The following DEUP1 variants were observed in gnomAD, a reference collection of about 807,000 sequenced individuals.
The protein encoded by DEUP1 is coiled-coil domain containing 67.
In DEUP1, 82 loss-of-function variants were observed where a neutral mutation model predicts 87.4. The ratio of observed to expected loss-of-function variants is 0.94; its 90% CI spans 0.78 to 1.13. DEUP1 has a LOEUF of 1.13. Ranked by LOEUF, DEUP1 falls within the 50% of genes most tolerant of loss-of-function variation. DEUP1 has a pLI of 0.00. For synonymous variants in DEUP1, 214 were observed against 222.7 expected (o/e 0.96, Z 0.35); for missense variants, 663 against 681.5 (o/e 0.97, Z 0.30).
intron 13 of DEUP1, among the ~76,000 whole-genome samples, chr11:93,415,683 C>T (rs763034551): frequency 8.6e-5 from 13 of 151,702 alleles, no homozygotes; most frequent in Non-Finnish European, 1.9e-4. Context: ...TTAGCATTAT[C>T]GATTTGTTTT....
chr11:93,370,942 G>A (rs1945688932), intron 6 of DEUP1, 96 bp from the exon 7 acceptor site: 2 of 1,082,040 alleles, frequency 1.8e-6, no homozygotes, highest in Non-Finnish European at 2.6e-6. Flanking sequence ...CATATTTAAA[G>A]ATATTCCTAC....
At chr11:93,408,649 T>C (rs1014878102) in intron 12 of DEUP1, among the ~76,000 whole-genome samples, 3 of 152,150 alleles carry the variant, frequency 2.0e-5, no homozygotes, top group African/African-American at 7.2e-5. Flanking sequence ...TTTAGTTTGT[T>C]AGTCATCTCA....
intron 11 of DEUP1, among the ~76,000 whole-genome samples, chr11:93,405,346 T>A (rs896148096): frequency 3.9e-5 from 6 of 152,038 alleles, no homozygotes; most frequent in African/African-American, 1.4e-4. Context: ...AGACTACAGA[T>A]TGCTCTTTTA....
At chr11:93,360,470 C>G (rs1291846764) in intron 4 of DEUP1, among the ~76,000 whole-genome samples, 4 of 152,084 alleles carry the variant, frequency 2.6e-5, no homozygotes, top group Admixed American at 2.6e-4. Flanking sequence ...CAACAGATGC[C>G]AAGGCCAAGA....
chr11:93,365,702 A>G (rs1412809554), intron 5 of DEUP1, among the ~76,000 whole-genome samples: 1 of 152,244 alleles, frequency 6.6e-6, no homozygotes, highest in Non-Finnish European at 1.5e-5. Context: ...GTAGCAAAAT[A>G]TTTTGATATG....
chr11:93,393,958 A>G (rs1946854452), intron 9 of DEUP1, among the ~76,000 whole-genome samples: 1 of 152,206 alleles, frequency 6.6e-6, no homozygotes, highest in South Asian at 2.1e-4. Context: ...TCATGAAGAC[A>G]TTGTTTGAAG....
intron 7 of DEUP1, chr11:93,383,341 T>C (rs1246376542): frequency 1.8e-5 from 6 of 338,944 alleles, no homozygotes; most frequent in African/African-American, 4.2e-5. Context: ...GAAAGCATTA[T>C]GCTACATTAA....
intron 8 of DEUP1, among the ~76,000 whole-genome samples, chr11:93,388,006 A>T (rs1166061747): frequency 2.6e-5 from 4 of 152,168 alleles, no homozygotes; most frequent in African/African-American, 9.6e-5. Flanking sequence ...GCAGTATATT[A>T]TACTCTGATA....
chr11:93,350,678 G>A (rs1017404565), intron 2 of DEUP1, among the ~76,000 whole-genome samples: 12 of 152,112 alleles, frequency 7.9e-5, no homozygotes, highest in African/African-American at 2.2e-4. Context: ...GGCAAGGTGC[G>A]GTGGCTCACA....
intron 4 of DEUP1, among the ~76,000 whole-genome samples, chr11:93,361,703 CAAG>C (rs1257590784): frequency 6.6e-6 from 1 of 151,584 alleles, no homozygotes; most frequent in Non-Finnish European, 1.5e-5. Context: ...CACAAGAAGA[CAAG>C]AAAGTGAAAA....
intron 2 of DEUP1, among the ~76,000 whole-genome samples, chr11:93,334,839 T>G (rs1040647319): frequency 1.8e-5 from 2 of 108,544 alleles, no homozygotes; most frequent in African/African-American, 3.6e-5. Context: ...AAAGTGTGTT[T>G]CCAGAACATA....
chr11:93,372,516 C>T (rs1266336678), intron 7 of DEUP1, among the ~76,000 whole-genome samples: 1 of 152,182 alleles, frequency 6.6e-6, no homozygotes, highest in Admixed American at 6.5e-5. Flanking sequence ...CTCATTCCCC[C>T]ACCGTGCCAC....
chr11:93,359,258 A>T (rs2134226960), intron 4 of DEUP1, among the ~76,000 whole-genome samples: 1 of 152,292 alleles, frequency 6.6e-6, no homozygotes, highest in East Asian at 1.9e-4. Context: ...TTCCTGAAAC[A>T]TCTTAAGGAT....
At chr11:93,384,498 ACCT>A (rs1012892828) in intron 7 of DEUP1, among the ~76,000 whole-genome samples, 8 of 152,036 alleles carry the variant, frequency 5.3e-5, no homozygotes, top group Non-Finnish European at 8.8e-5. Flanking sequence ...CACTCCTTTT[ACCT>A]CTACTCTCTT....
intron 2 of DEUP1, among the ~76,000 whole-genome samples, chr11:93,337,931 TGA>T (rs1242900195): frequency 6.6e-6 from 1 of 150,558 alleles, no homozygotes. Flanking sequence ...CTGATATGTG[TGA>T]ATGTAGATAT....
At chr11:93,389,297 A>G (rs997506148) in intron 9 of DEUP1, among the ~76,000 whole-genome samples, 172 bp downstream of exon 9, 14 of 152,330 alleles carry the variant, frequency 9.2e-5, no homozygotes, top group Admixed American at 7.2e-4. Context: ...GAGACTACAA[A>G]AAACACAAAC....
At chr11:93,368,155 C>T (rs927824579) in intron 5 of DEUP1, among the ~76,000 whole-genome samples, 1 of 152,210 alleles carries the variant, frequency 6.6e-6, no homozygotes, top group Non-Finnish European at 1.5e-5. Flanking sequence ...GCTTTATCAA[C>T]CTGCTTCTAC....
chr11:93,333,590 T>C (rs7126901), intron 2 of DEUP1, among the ~76,000 whole-genome samples: 52,601 of 152,054 alleles, frequency 0.35, 9,456 homozygotes, highest in Non-Finnish European at 0.4. Flanking sequence ...TATGACCAGA[T>C]GAAGCTTAGA....
At chr11:93,338,362 G>A (rs957411981) in intron 2 of DEUP1, among the ~76,000 whole-genome samples, 1 of 151,920 alleles carries the variant, frequency 6.6e-6, no homozygotes, top group Admixed American at 6.6e-5. Context: ...TCACACCACA[G>A]GGACAAGCAC....
Sources: allele counts gnomAD v4.1 joint callset (sites outside exome capture counted in the v4.1 genomes callset), GRCh38; gene constraint gnomAD v4.1.1; transcripts MANE v1.5; gene names NCBI Gene and HGNC (gene_info 2026-07-23, HGNC 2026-07-21).